GGA3: variants seen among roughly 807,000 people sequenced by gnomAD.
GGA3 encodes ADP-ribosylation factor-binding protein GGA3.
A neutral mutation model predicts 77.5 loss-of-function variants in GGA3; 57 were observed. The observed-to-expected ratio is 0.74, with a 90% CI of 0.59 to 0.92. GGA3 has a LOEUF of 0.92. Among genes scored for constraint, GGA3 ranks in the 40% least tolerant of loss-of-function variants. The probability of loss-of-function intolerance (pLI) is 0.00; values close to 1 mark genes in which losing one functional copy is unlikely to be tolerated. For missense variants in GGA3, 970 were observed against 914.9 expected, an observed-to-expected ratio of 1.06 and a Z score of -0.78; for synonymous variants, 416 against 383.7, an observed-to-expected ratio of 1.08 and a Z score of -0.98.
At position 75,248,187 on chromosome 17, in the gene GGA3, C is replaced by T. The variant is rs183951942; in HGVS notation, c.41-1391G>A. ...TGTTAACTTTAAAAATCACCAGCTA[C>T]GGGGCCGGGCGTGGTGGCTCACGCC... On this transcript the variant is annotated intron_variant, in intron 1 of 16. Coordinates refer to ENST00000537686, the MANE Select transcript of GGA3 (RefSeq NM_138619.4). Among the ~76,000 whole-genome samples the T allele has an allele frequency of 9.5e-4, 145 of 152,004 alleles. 1 individual carries two copies. The highest frequency in any genetic ancestry group is 3.3e-3 in the African/African-American group (135 of 41,474).
chr17:75,241,604 C>T lies in GGA3; in HGVS notation c.829+11G>A, dbSNP rs922394350. ...GCCTGGCTTATCCCTGACCGTCGCT[C>T]TTTCACTCACCCAAACTGTTATCAT... On this transcript the variant is annotated intron_variant, in intron 9 of 16. Transcript: ENST00000537686. 3.1e-6 allele frequency: 5 copies of T among 1,613,556 alleles called. No individual in the cohort carries two copies. The East Asian group carries it at 1.1e-4, about 36-fold the overall frequency.
chr17:75,240,130 G>A (rs2076488624), intron 12 of GGA3, 22 bp from the exon 13 acceptor site: 7 of 1,317,452 alleles, frequency 5.3e-6, no homozygotes, highest in Non-Finnish European at 7.4e-6. Flanking sequence ...AGAAAGGGTG[G>A]TGAGCCGAGG....
In GGA3 at chr17:75,246,505, C is replaced by A; in HGVS notation, c.201+4G>T. ...TTTCCACCTCCGGAGAGTGAAGGAC[C>A]TACCGTCAGGGCCTGGAGCGCCTCC... On this transcript the variant is annotated splice_donor_region_variant and intron_variant, in intron 3 of 16. Transcript: ENST00000537686. The A allele has an allele frequency of 6.3e-7, 1 of 1,595,076 alleles. No homozygotes were observed. Among genetic ancestry groups the A allele is most frequent in the Non-Finnish European group, 8.6e-7 (1 of 1,162,704 alleles).
Position 75,240,861 on chromosome 17 carries a change from G to A in GGA3, c.1143C>T (p.Ser381=), listed in dbSNP as rs896345366. 1 of 1,613,394 alleles carries A rather than the reference G, an allele frequency of 6.2e-7. No individual in the cohort carries two copies. Among genetic ancestry groups the A allele is most frequent in the Non-Finnish European group, 8.5e-7 (1 of 1,179,848 alleles). Residue 381 remains serine, a synonymous_variant, in exon 11 of 17, where the codon AGC becomes AGT. Coordinates refer to ENST00000537686, the MANE Select transcript of GGA3 (RefSeq NM_138619.4). The stretch of plus-strand genomic sequence containing the variant: ...GCCAGGAGAGGGCGTTGCTTGTGCT[G>A]CTGGGCCCCAGGGTGGCCTCGGCCT... ...SSQAEATLGP[S]STSNALSWLD... is the part of the protein sequence containing the mutation.
In GGA3 at chr17:75,244,698, T is replaced by C; in HGVS notation, c.221A>G (p.Lys74Arg). Residue 74 changes from lysine to arginine, a missense_variant, in exon 4 of 17, where the codon AAG becomes AGG. Lys to Arg is a conservative substitution (Grantham distance 26). Coordinates refer to ENST00000537686, the MANE Select transcript of GGA3 (RefSeq NM_138619.4). ...GTTATGAAATCTCCTCCCACAGTTC[T>C]TCATGCATGCCTCCAGCACCTGTAG... ...QALTVLEACM[K>R]NCGRRFHNEV... 1 of 1,613,666 alleles carries C rather than the reference T, an allele frequency of 6.2e-7. No homozygotes were observed.
intron 1 of GGA3, 150 bp from the exon 2 acceptor site, chr17:75,246,946 G>GA: frequency 1.8e-6 from 1 of 547,492 alleles, no homozygotes; most frequent in African/African-American, 1.9e-5. Context: ...GTAGCAAGGA[G>GA]ACAGAAAAAA....
intron 3 of GGA3, among the ~76,000 whole-genome samples, 161 bp from the exon 4 acceptor site, chr17:75,244,878 A>C (rs2076702442): frequency 6.6e-6 from 1 of 152,134 alleles, no homozygotes; most frequent in Non-Finnish European, 1.5e-5. Flanking sequence ...AGTGTAATTA[A>C]GCAACGAGAT....
At chr17:75,244,582 G>A in intron 4 of GGA3, 37 bp downstream of exon 4, 1 of 1,247,102 alleles carries the variant, frequency 8.0e-7, no homozygotes, top group South Asian at 1.2e-5. Context: ...GAACACAAAA[G>A]AAGTCCCTAA....
intron 1 of GGA3, among the ~76,000 whole-genome samples, chr17:75,249,327 G>A (rs975404400): frequency 3.9e-5 from 6 of 152,180 alleles, no homozygotes; most frequent in African/African-American, 1.2e-4. Context: ...ACAGGCGGGA[G>A]CCACCGCACC....
chr17:75,249,285 G>C (rs1437350747), intron 1 of GGA3, among the ~76,000 whole-genome samples: 6 of 152,160 alleles, frequency 3.9e-5, no homozygotes, highest in South Asian at 4.1e-4. Flanking sequence ...AGGAGGTCAA[G>C]ACCAGCCCTG....
Position 75,238,374 on chromosome 17 carries a change from G to GA in GGA3, c.2076dup (p.Arg693SerfsTer3), listed in dbSNP as rs2076394386. 6.2e-7 allele frequency: 1 copy of GA among 1,613,332 alleles called. No individual in the cohort carries two copies. Among genetic ancestry groups the GA allele is most frequent in the Non-Finnish European group, 8.5e-7 (1 of 1,179,762 alleles). On this transcript the variant is annotated frameshift_variant, in exon 17 of 17. Transcript: ENST00000537686. LOFTEE classifies it high-confidence loss of function. ...CCCAGGGCGAAGGTCAGCTTATACC[G>GA]AAGCCGCACCTTCTCCTGTGACAGA...
In GGA3 at chr17:75,243,153, A is replaced by G; in HGVS notation, c.438T>C (p.Ser146=). The part of the protein sequence containing the change: ...HMLKRQGIVQ[S]DPPIPVDRTL... ...TCCTATCCACAGGAATTGGTGGGTC[A>G]GACTGCACTATGCCTGAAAGGGGAC... The change falls in exon 6 of 17, where the codon TCT becomes TCC. Residue 146 remains serine, a synonymous_variant. Coordinates refer to ENST00000537686, the MANE Select transcript of GGA3 (RefSeq NM_138619.4). 6.2e-7 allele frequency: 1 copy of G among 1,609,572 alleles called. No individual in the cohort carries two copies. Among genetic ancestry groups the G allele is most frequent in the Non-Finnish European group, 8.5e-7 (1 of 1,177,904 alleles).
Position 75,240,419 on chromosome 17 carries a change from A to G in GGA3, c.1193-7T>C. 1.9e-6 allele frequency: 3 copies of G among 1,580,202 alleles called. No homozygotes were observed. The highest frequency in any genetic ancestry group is 1.3e-5 in the African/African-American group (1 of 74,686). ...GGGGCTGGGTCGGCGAGGCCTGACAATAGAGAAGAAAACAGGATGAGAAGA... is the reference window on the plus strand; with the variant it reads ...GGGGCTGGGTCGGCGAGGCCTGACAGTAGAGAAGAAAACAGGATGAGAAGA... On this transcript the variant is annotated splice_polypyrimidine_tract_variant and splice_region_variant and intron_variant, in intron 11 of 16. Transcript: ENST00000537686.
At chr17:75,251,148 G>A (rs1222259240) in intron 1 of GGA3, among the ~76,000 whole-genome samples, 1 of 151,968 alleles carries the variant, frequency 6.6e-6, no homozygotes, top group South Asian at 2.1e-4. Context: ...GCTGGAAAGG[G>A]AATAAAGGTC....
At chr17:75,242,577 A>T in intron 7 of GGA3, 104 bp from the exon 8 acceptor site, 2 of 1,375,798 alleles carry the variant, frequency 1.5e-6, no homozygotes. Flanking sequence ...GACGCTCGGA[A>T]GCTCCTTTCA....
At position 75,242,470 on chromosome 17, in the gene GGA3, C is replaced by A; in HGVS notation, c.613G>T (p.Glu205Ter). The change falls in exon 8 of 17, where the codon GAG becomes TAG. Residue 205 changes from glutamate (E) to a stop codon, truncating the protein, a stop_gained. Transcript: ENST00000537686. LOFTEE classifies it high-confidence loss of function. ...KLIKSMVKEDEARIQKVTKRL... is the reference protein window; with the variant it reads ...KLIKSMVKED ...TTGGTCACCTTCTGGATCCGTGCCT[C>A]GTCCTGCCCCAGTGAAGAAGTTCAA... The A allele has an allele frequency of 6.2e-7, 1 of 1,614,154 alleles. No individual in the cohort carries two copies.
chr17:75,242,903 G>C lies in GGA3; in HGVS notation c.537C>G (p.Ala179=), dbSNP rs1444275175. The change falls in exon 7 of 17, where the codon GCC becomes GCG. Residue 179 remains alanine (A), a synonymous_variant. Transcript: ENST00000537686. ...CTGGGTTTTTGCTTTTCAGCAGCTT[G>C]GCTAAAAGCTGAGAGAGGAGGAAAT... ...FDDEEKSKLL[A]KLLKSKNPDD... The C allele has an allele frequency of 6.8e-5, 110 of 1,612,950 alleles. 1 individual carries two copies. The East Asian group carries it at 2.4e-3, about 35-fold the overall frequency.
rs540005497 is a variant in GGA3 at position 75,261,485 on chromosome 17, G to A, written c.40+63C>T. On this transcript the variant is annotated intron_variant, in intron 1 of 16. Coordinates refer to ENST00000537686, the MANE Select transcript of GGA3 (RefSeq NM_138619.4). ...GCCGTGGAGCCCGGGGAGGGGACGT[G>A]GGGGTGAAGACAGGGGCAGCCCAGC... The A allele has an allele frequency of 3.8e-6, 5 of 1,315,210 alleles. No homozygotes were observed. The East Asian group carries it at 1.4e-4, about 37-fold the overall frequency. The allele number at this position is 1,315,210 out of a possible 1,614,324, so 81.5% of individuals were successfully genotyped here.
intron 1 of GGA3, among the ~76,000 whole-genome samples, chr17:75,253,669 C>T (rs946662939): frequency 3.9e-5 from 6 of 152,214 alleles, no homozygotes; most frequent in African/African-American, 2.4e-5. Context: ...CTTATTTCCG[C>T]ACCCCGACCT....
Sources: gnomAD v4.1 joint callset for allele counts (sites outside exome capture counted in the v4.1 genomes callset) on GRCh38, gnomAD v4.1.1 for gene constraint, MANE v1.5 for transcripts, NCBI Gene and HGNC (gene_info 2026-07-23, HGNC 2026-07-21) for gene names.